The following LINGO2 variants were observed in gnomAD, a reference collection of about 807,000 sequenced individuals.
The protein encoded by LINGO2 is leucine rich repeat and Ig domain containing 2.
LINGO2 carries 14 observed loss-of-function variants against 30.6 expected under a neutral mutation model. The observed-to-expected ratio is 0.46, with a 90% CI of 0.30 to 0.72. The LOEUF is 0.72. Among genes scored for constraint, LINGO2 ranks in the 30% least tolerant of loss-of-function variants. The pLI, the probability that LINGO2 is intolerant of heterozygous loss-of-function variation, is 0.07. For synonymous variants in LINGO2, 317 were observed against 288.5 expected, an observed-to-expected ratio of 1.10 and a Z score of -1.00; for missense variants, 729 against 751.7, an observed-to-expected ratio of 0.97 and a Z score of 0.35.
the LINGO2 span, among the ~76,000 whole-genome samples, chr9:28,864,443 A>G: frequency 6.6e-6 from 1 of 152,194 alleles, no homozygotes; most frequent in Admixed American, 6.5e-5. Context: ...TCTCCTTTGC[A>G]AAATAACCAG....
the LINGO2 span, among the ~76,000 whole-genome samples, chr9:29,042,534 AAC>A: frequency 6.6e-6 from 1 of 151,994 alleles, no homozygotes; most frequent in Non-Finnish European, 1.5e-5. Context: ...AAATACAAGA[AAC>A]ACAATTTTTT....
intron 1 of LINGO2, among the ~76,000 whole-genome samples, chr9:28,613,582 T>C (rs992125697): frequency 1.3e-5 from 2 of 152,126 alleles, no homozygotes. Context: ...ATGTCACCTC[T>C]GCCGTACTAG....
chr9:28,934,942 C>G, the LINGO2 span, among the ~76,000 whole-genome samples: 2 of 151,984 alleles, frequency 1.3e-5, no homozygotes, highest in African/African-American at 4.8e-5. Flanking sequence ...TTTCTGATAT[C>G]CTGAGGTTTG....
At chr9:28,989,178 C>G in the LINGO2 span, among the ~76,000 whole-genome samples, 43 of 152,272 alleles carry the variant, frequency 2.8e-4, no homozygotes, top group African/African-American at 9.9e-4. Flanking sequence ...AATTCCATTC[C>G]TGTCCAGTGG....
At chr9:27,977,094 C>G (rs1587594247) in intron 5 of LINGO2, among the ~76,000 whole-genome samples, 2 of 150,888 alleles carry the variant, frequency 1.3e-5, no homozygotes, top group Non-Finnish European at 2.9e-5. Flanking sequence ...GATGCTATCT[C>G]TCAATAATTA....
chr9:29,071,970 G>T, the LINGO2 span, among the ~76,000 whole-genome samples: 2 of 152,006 alleles, frequency 1.3e-5, no homozygotes, highest in Non-Finnish European at 2.9e-5. Flanking sequence ...CCCCTTAGAA[G>T]AAACCTTTTT....
At chr9:28,625,021 G>C (rs1262917383) in intron 1 of LINGO2, among the ~76,000 whole-genome samples, 4 of 151,842 alleles carry the variant, frequency 2.6e-5, no homozygotes, top group African/African-American at 9.7e-5. Context: ...TAGTCCCCTG[G>C]CTCGAAGACC....
At chr9:28,716,183 A>C in the LINGO2 span, among the ~76,000 whole-genome samples, 1 of 151,892 alleles carries the variant, frequency 6.6e-6, no homozygotes, top group Non-Finnish European at 1.5e-5. Context: ...CAACATAAAC[A>C]ATAAAATCTT....
chr9:28,606,713 C>T (rs1367901911), intron 1 of LINGO2, among the ~76,000 whole-genome samples: 2 of 152,008 alleles, frequency 1.3e-5, no homozygotes, highest in African/African-American at 4.8e-5. Context: ...TTTACTGATG[C>T]TTCCACAACT....
chr9:28,165,816 T>C (rs938092791), intron 4 of LINGO2, among the ~76,000 whole-genome samples: 1 of 152,190 alleles, frequency 6.6e-6, no homozygotes, highest in African/African-American at 2.4e-5. Flanking sequence ...ATCACTAAAT[T>C]TGCTAGCTGT....
the LINGO2 span, among the ~76,000 whole-genome samples, chr9:29,204,660 A>G: frequency 2.6e-5 from 4 of 152,198 alleles, no homozygotes; most frequent in South Asian, 8.3e-4. Context: ...GTCTTATTAA[A>G]CCAGAAACAT....
intron 3 of LINGO2, among the ~76,000 whole-genome samples, chr9:28,355,337 C>CTG (rs1820146765): frequency 1.5e-5 from 2 of 136,558 alleles, no homozygotes; most frequent in African/African-American, 6.0e-5. Flanking sequence ...GTCTCTGTCT[C>CTG]TCTCTCTCTC....
At chr9:28,898,868 T>G in the LINGO2 span, among the ~76,000 whole-genome samples, 2 of 152,232 alleles carry the variant, frequency 1.3e-5, no homozygotes, top group Admixed American at 1.3e-4. Context: ...CAAACCCCCA[T>G]GACATGAGTT....
chr9:28,220,262 G>T (rs1234241873), intron 4 of LINGO2, among the ~76,000 whole-genome samples: 2 of 152,258 alleles, frequency 1.3e-5, no homozygotes, highest in African/African-American at 2.4e-5. Context: ...CTTTGGAAAA[G>T]AAACTGGTTG....
chr9:28,876,825 C>T, the LINGO2 span, among the ~76,000 whole-genome samples: 1 of 152,130 alleles, frequency 6.6e-6, no homozygotes, highest in South Asian at 2.1e-4. Context: ...GGAATCGCCA[C>T]ACTGACTTCC....
intron 4 of LINGO2, among the ~76,000 whole-genome samples, chr9:28,178,296 G>A (rs1385206465): frequency 2.0e-5 from 3 of 152,062 alleles, no homozygotes; most frequent in African/African-American, 7.2e-5. Flanking sequence ...AAATGTCTGG[G>A]CTCTCACATG....
At chr9:28,694,171 C>T in the LINGO2 span, among the ~76,000 whole-genome samples, 2 of 151,210 alleles carry the variant, frequency 1.3e-5, no homozygotes, top group African/African-American at 2.4e-5. Flanking sequence ...ATTATGGACA[C>T]ATTTTTATTT....
the LINGO2 span, among the ~76,000 whole-genome samples, chr9:29,034,220 T>C: frequency 2.0e-5 from 3 of 152,132 alleles, no homozygotes; most frequent in African/African-American, 4.8e-5. Flanking sequence ...AATAAGTATA[T>C]ATAAACACAT....
the LINGO2 span, among the ~76,000 whole-genome samples, chr9:29,109,467 C>A: frequency 6.6e-6 from 1 of 152,024 alleles, no homozygotes; most frequent in Non-Finnish European, 1.5e-5. Context: ...TAGATCCATG[C>A]AATTTGGGGA....
Sources: allele counts gnomAD v4.1 joint callset (sites outside exome capture counted in the v4.1 genomes callset), GRCh38; gene constraint gnomAD v4.1.1; transcripts MANE v1.5; gene names NCBI Gene and HGNC (gene_info 2026-07-23, HGNC 2026-07-21).